The following GPC6 variants were observed in gnomAD, a reference collection of about 807,000 sequenced individuals.
The protein encoded by GPC6 is glypican 6.
A neutral mutation model predicts 55.2 loss-of-function variants in GPC6; 14 were observed. The observed-to-expected ratio is 0.25, with a 90% CI of 0.17 to 0.40. The LOEUF is 0.40. GPC6 is among the 10% of genes least tolerant of loss of function. GPC6 has a pLI of 1.00. For synonymous variants in GPC6, 278 were observed against 259.6 expected, an observed-to-expected ratio of 1.07 and a Z score of -0.68; for missense variants, 641 against 708.5, an observed-to-expected ratio of 0.90 and a Z score of 1.08.
chr13:93,974,082 T>C (rs956897791), intron 3 of GPC6, among the ~76,000 whole-genome samples: 1 of 152,210 alleles, frequency 6.6e-6, no homozygotes, highest in Non-Finnish European at 1.5e-5. Flanking sequence ...TCCAAGGTCC[T>C]TGGCAGGCTG....
intron 1 of GPC6, among the ~76,000 whole-genome samples, chr13:93,396,180 G>A (rs1260194755): frequency 1.3e-5 from 2 of 152,086 alleles, no homozygotes; most frequent in African/African-American, 4.8e-5. Context: ...TAAAACATGT[G>A]TTTATTGTAG....
intron 1 of GPC6, among the ~76,000 whole-genome samples, chr13:93,449,092 A>G (rs943314113): frequency 1.3e-5 from 2 of 152,260 alleles, no homozygotes; most frequent in African/African-American, 4.8e-5. Flanking sequence ...GAGCAGGGAT[A>G]GATATAGTAT....
chr13:94,192,555 G>A (rs796737736), intron 4 of GPC6, among the ~76,000 whole-genome samples: 9 of 152,312 alleles, frequency 5.9e-5, no homozygotes, highest in African/African-American at 1.9e-4. Context: ...AGTAAAATAT[G>A]AGCCTGCATT....
chr13:93,860,113 T>C (rs1304924520), intron 3 of GPC6, among the ~76,000 whole-genome samples: 1 of 151,702 alleles, frequency 6.6e-6, no homozygotes, highest in Non-Finnish European at 1.5e-5. Context: ...TAGACACTAG[T>C]ACCAGCATTG....
intron 1 of GPC6, among the ~76,000 whole-genome samples, chr13:93,446,720 A>C (rs1878018875): frequency 6.6e-6 from 1 of 152,188 alleles, no homozygotes; most frequent in South Asian, 2.1e-4. Flanking sequence ...AGATATGTAG[A>C]AATTGTCTCT....
intron 6 of GPC6, among the ~76,000 whole-genome samples, chr13:94,361,552 A>G (rs187177253): frequency 6.6e-6 from 1 of 152,384 alleles, no homozygotes; most frequent in Non-Finnish European, 1.5e-5. Flanking sequence ...CTAATTAATA[A>G]TAACTGAACA....
At chr13:94,107,667 ATATGT>A (rs1281503494) in intron 4 of GPC6, among the ~76,000 whole-genome samples, 1 of 151,630 alleles carries the variant, frequency 6.6e-6, no homozygotes, top group Non-Finnish European at 1.5e-5. Flanking sequence ...CAACTATAAA[ATATGT>A]TAGGTTTAAA....
At chr13:93,392,411 C>A (rs554175177) in intron 1 of GPC6, among the ~76,000 whole-genome samples, 17 of 152,332 alleles carry the variant, frequency 1.1e-4, no homozygotes, top group African/African-American at 4.1e-4. Context: ...GCACAAAGTG[C>A]AGTTGCTGTT....
At chr13:93,661,860 G>A (rs934881398) in intron 2 of GPC6, among the ~76,000 whole-genome samples, 1 of 152,080 alleles carries the variant, frequency 6.6e-6, no homozygotes, top group Admixed American at 6.5e-5. Flanking sequence ...ATTAAAATAG[G>A]CTTTCATGGA....
intron 2 of GPC6, among the ~76,000 whole-genome samples, chr13:93,751,751 C>T (rs965789925): frequency 6.6e-6 from 1 of 151,896 alleles, no homozygotes; most frequent in African/African-American, 2.4e-5. Context: ...GTTTCAAACT[C>T]CTGGGCTCAA....
intron 3 of GPC6, among the ~76,000 whole-genome samples, chr13:93,850,912 A>G (rs376053897): frequency 6.6e-6 from 1 of 151,970 alleles, no homozygotes; most frequent in South Asian, 2.1e-4. Flanking sequence ...GTATAGTTTC[A>G]GGACTGCACC....
At chr13:94,025,465 A>G (rs1321366042) in intron 3 of GPC6, 1 of 151,516 alleles carries the variant, frequency 6.6e-6, no homozygotes, top group African/African-American at 2.4e-5. Context: ...ATAAAGGAAA[A>G]TTCTGAAACA....
At chr13:93,887,957 G>A (rs1042870516) in intron 3 of GPC6, among the ~76,000 whole-genome samples, 2 of 152,060 alleles carry the variant, frequency 1.3e-5, no homozygotes, top group Non-Finnish European at 2.9e-5. Context: ...CAGTCCATCT[G>A]GGGACCAGTC....
Position 93,230,149 on chromosome 13 carries a change from G to T in GPC6, c.160+2533G>T, listed in dbSNP as rs142812921. Among the ~76,000 whole-genome samples the T allele has an allele frequency of 2.1e-4, 32 of 152,260 alleles. 1 individual carries two copies. In the Middle Eastern group the frequency reaches 0.01, roughly 49 times the overall value. ...TCTGCCAGGGCACATAAATTTAAAA[G>T]AATTGCTGTTCAGACTTCAGATTCA... On this transcript the variant is annotated intron_variant, in intron 1 of 8. Transcript: ENST00000377047.
chr13:93,227,499 C>A lies in GPC6; in HGVS notation c.43C>A (p.Leu15Met). 6.2e-7 allele frequency: 1 copy of A among 1,613,868 alleles called. No individual in the cohort carries two copies. Among genetic ancestry groups the A allele is most frequent in the Non-Finnish European group, 8.5e-7 (1 of 1,179,790 alleles). ...IGAVILPLLG[L>M]LLSLPAGADV... ...GGCTGTGATTCTTCCCCTCTTGGGG[C>A]TGCTGCTCTCCCTCCCCGCCGGGGC... The change falls in exon 1 of 9, where the codon CTG becomes ATG. Residue 15 changes from leucine to methionine, a missense_variant. Leu to Met is a conservative substitution (Grantham distance 15). Coordinates refer to ENST00000377047, the MANE Select transcript of GPC6 (RefSeq NM_005708.5). The surrounding 1 kb of genome is among the most constrained non-coding windows in gnomAD (Gnocchi z 4.3).
chr13:94,118,899 G>A (rs145097932), intron 4 of GPC6, among the ~76,000 whole-genome samples: 2 of 151,942 alleles, frequency 1.3e-5, no homozygotes, highest in African/African-American at 2.4e-5. Flanking sequence ...GCATAAGCAG[G>A]CTCCTCGACT....
At chr13:93,902,645 T>C (rs565422155) in intron 3 of GPC6, among the ~76,000 whole-genome samples, 3 of 152,330 alleles carry the variant, frequency 2.0e-5, no homozygotes, top group South Asian at 2.1e-4. Flanking sequence ...TTTTCTATAA[T>C]GGCTGTACTA....
At chr13:93,587,618 T>C (rs563183274) in intron 2 of GPC6, among the ~76,000 whole-genome samples, 2 of 152,196 alleles carry the variant, frequency 1.3e-5, no homozygotes, top group East Asian at 1.9e-4. Flanking sequence ...TGCTCCTTTT[T>C]TCAGGTTCAT....
chr13:93,244,700 G>A (rs1876540554), intron 1 of GPC6, among the ~76,000 whole-genome samples: 2 of 152,166 alleles, frequency 1.3e-5, no homozygotes, highest in Admixed American at 1.3e-4. Context: ...GTGTATGAAG[G>A]AGACAGTCTC....
Sources: allele counts gnomAD v4.1 joint callset (sites outside exome capture counted in the v4.1 genomes callset), GRCh38; gene constraint gnomAD v4.1.1; non-coding constraint Gnocchi (gnomAD v3.1); transcripts MANE v1.5; gene names NCBI Gene and HGNC (gene_info 2026-07-23, HGNC 2026-07-21).